The following ZNF45 variants were observed in gnomAD, a reference collection of about 807,000 sequenced individuals.
ZNF45 encodes zinc finger protein 45.
In ZNF45, 4 loss-of-function variants were observed where a neutral mutation model predicts 12.0. The observed-to-expected ratio is 0.33, with a 90% CI of 0.16 to 0.76. The LOEUF (loss-of-function observed/expected upper bound fraction) is 0.76, where lower values mean the gene tolerates loss of function less well. ZNF45 is among the 30% of genes least tolerant of loss of function. ZNF45 has a pLI of 0.60. For missense variants in ZNF45, 700 were observed against 813.0 expected, an observed-to-expected ratio of 0.86 and a Z score of 1.69; for synonymous variants, 272 against 279.6, an observed-to-expected ratio of 0.97 and a Z score of 0.27.
rs140615452 is a variant in ZNF45, at chr19:43,914,452, G to A, written c.984C>T (p.Gly328=). The change falls in exon 10 of 10, where the codon GGC becomes GGT. Residue 328 remains glycine (G), a synonymous_variant. Coordinates refer to ENST00000269973, the MANE Select transcript of ZNF45 (RefSeq NM_003425.4). Reference sequence around the variant, plus strand: ...ATGCATTGCATTTGTATGGTTTCTCGCCAGTGTGGATTCGCTCATGAGCCT... The same window carrying A: ...ATGCATTGCATTTGTATGGTTTCTCACCAGTGTGGATTCGCTCATGAGCCT... ...RLQAHERIHT[G]EKPYKCNACG... 174 of 1,610,996 alleles carry A rather than the reference G, an allele frequency of 1.1e-4. No homozygotes were observed. The highest frequency in any genetic ancestry group is 8.3e-4 in the South Asian group (75 of 90,694).
intron 4 of ZNF45, among the ~76,000 whole-genome samples, chr19:43,924,968 C>T (rs454559): frequency 0.42 from 63,671 of 151,986 alleles, 15,105 homozygotes; most frequent in East Asian, 0.57. Context: ...TCCCTTGCTG[C>T]TGTGGACCAA....
chr19:43,918,927 C>G lies in ZNF45; in HGVS notation c.178G>C (p.Glu60Gln). 1 of 1,614,134 alleles carries G rather than the reference C, an allele frequency of 6.2e-7. No homozygotes were observed. Among genetic ancestry groups the G allele is most frequent in the Non-Finnish European group, 8.5e-7 (1 of 1,180,018 alleles). Residue 60 changes from glutamate to glutamine, a missense_variant, in exon 9 of 10, where the codon GAG becomes CAG. By Grantham distance (29) the Glu-to-Gln change is conservative. Coordinates refer to ENST00000269973, the MANE Select transcript of ZNF45 (RefSeq NM_003425.4). Reference protein sequence around the residue: ...QSTPDGLPQLEREEKLWMMKM... With the variant: ...QSTPDGLPQLQREEKLWMMKM... Reference sequence around the variant, plus strand: ...ATCATCCACAGCTTTTCTTCTCTCTCTAACTGTGGTAGGCCATCTGGTGTG... The same window carrying G: ...ATCATCCACAGCTTTTCTTCTCTCTGTAACTGTGGTAGGCCATCTGGTGTG...
At position 43,913,274 on chromosome 19, in the gene ZNF45, G is replaced by T; in HGVS notation, c.*113C>A. On this transcript the variant is annotated 3_prime_UTR_variant, in exon 10 of 10. Coordinates refer to ENST00000269973, the MANE Select transcript of ZNF45 (RefSeq NM_003425.4). ...CACTCTTGTGAGGCTTCTCTGCTGT[G>T]TGGTCTCCCAATCACTTGGCTGAAC... 1 of 1,261,488 alleles carries T rather than the reference G, an allele frequency of 7.9e-7. No homozygotes were observed. Among genetic ancestry groups the T allele is most frequent in the East Asian group, 2.4e-5 (1 of 42,358 alleles). 78.1% of individuals were successfully genotyped at this position (1,261,488 alleles called of 1,614,324 possible). A position where few individuals can be genotyped will look rare whatever the true frequency, so the allele number is the denominator to read the frequency against.
chr19:43,929,172 C>T (rs1973921857), intron 3 of ZNF45, among the ~76,000 whole-genome samples: 1 of 152,200 alleles, frequency 6.6e-6, no homozygotes. Context: ...CTTAACCGCT[C>T]GACAGTGGTT....
At chr19:43,920,421 G>GT (rs1973034535) in intron 7 of ZNF45, among the ~76,000 whole-genome samples, 1 of 150,798 alleles carries the variant, frequency 6.6e-6, no homozygotes, top group African/African-American at 2.4e-5. Context: ...TGTCTGCTGT[G>GT]TGGGGGTGTC....
At chr19:43,923,962 G>GA (rs1295623039) in intron 6 of ZNF45, among the ~76,000 whole-genome samples, 61 of 49,358 alleles carry the variant, frequency 1.2e-3, no homozygotes, top group Middle Eastern at 0.012. Context: ...TCTCTAAAGA[G>GA]AAAAAAAAAA....
At chr19:43,922,086 A>G (rs748991675) in intron 7 of ZNF45, 85 bp downstream of exon 7, 3 of 1,430,958 alleles carry the variant, frequency 2.1e-6, no homozygotes, top group African/African-American at 1.4e-5. Flanking sequence ...GTTCTCCTTC[A>G]TCTTCCTAAC....
chr19:43,922,252 A>G, intron 6 of ZNF45, 35 bp from the exon 7 acceptor site: 1 of 1,487,008 alleles, frequency 6.7e-7, no homozygotes, highest in Non-Finnish European at 9.1e-7. Context: ...AGGGAAGGAG[A>G]AAAAAGCCAT....
Position 43,914,612 on chromosome 19 carries a change from G to T in ZNF45, c.824C>A (p.Pro275His). 2 of 1,613,624 alleles carry T rather than the reference G, an allele frequency of 1.2e-6. No homozygotes were observed. The part of the protein sequence containing the change: ...APLIVHTGEK[P>H]YKCEECGVGF... Reference sequence around the variant, plus strand: ...CACCCCACACTCCTCACATTTATAGGGTTTCTCTCCCGTATGAACTATCAG... The same window carrying T: ...CACCCCACACTCCTCACATTTATAGTGTTTCTCTCCCGTATGAACTATCAG... The change falls in exon 10 of 10, where the codon CCC (proline) becomes CAC (histidine). Residue 275 changes from proline (P) to histidine (H), a missense_variant. Coordinates refer to ENST00000269973, the MANE Select transcript of ZNF45 (RefSeq NM_003425.4).
At chr19:43,919,774 G>A (rs1972979220) in intron 7 of ZNF45, 75 bp from the exon 8 acceptor site, 1 of 1,520,792 alleles carries the variant, frequency 6.6e-7, no homozygotes, top group Admixed American at 2.0e-5. Flanking sequence ...TGAGAAATGT[G>A]AAAAAGATGT....
Position 43,913,508 on chromosome 19 carries a change from T to A in ZNF45, c.1928A>T (p.Glu643Val). ...VHTGEKPYKCEECGKGFSWSS... is the reference protein window; with the variant it reads ...VHTGEKPYKCVECGKGFSWSS... ...CCAACTGAAGCCCTTCCCACACTCCTCACATTTGTATGGTTTTTCTCCGGT... is the reference window on the plus strand; with the variant it reads ...CCAACTGAAGCCCTTCCCACACTCCACACATTTGTATGGTTTTTCTCCGGT... The change falls in exon 10 of 10, where the codon GAG becomes GTG. Residue 643 changes from glutamate (E) to valine (V), a missense_variant. Glu to Val is a moderately radical substitution (Grantham distance 121). Coordinates refer to ENST00000269973, the MANE Select transcript of ZNF45 (RefSeq NM_003425.4). 6.2e-7 allele frequency: 1 copy of A among 1,612,830 alleles called. No homozygotes were observed. Among genetic ancestry groups the A allele is most frequent in the African/African-American group, 1.3e-5 (1 of 74,756 alleles).
intron 2 of ZNF45, among the ~76,000 whole-genome samples, chr19:43,932,999 C>T (rs750990494): frequency 1.1e-4 from 16 of 152,178 alleles, no homozygotes; most frequent in South Asian, 4.1e-4. Flanking sequence ...AGGGAGCTCA[C>T]GCACACAGAG....
In ZNF45 at chr19:43,914,916, T is replaced by G; in HGVS notation, c.520A>C (p.Ser174Arg). The change falls in exon 10 of 10, where the codon AGC becomes CGC. Residue 174 changes from serine to arginine, a missense_variant. Coordinates refer to ENST00000269973, the MANE Select transcript of ZNF45 (RefSeq NM_003425.4). The stretch of plus-strand genomic sequence containing the variant: ...TTAATTTGAAGATGAGAGCTCCAGC[T>G]GAAACTTTTCACACAATGTTCTCCT... ...YKGEHCVKSF[S>R]WSSHLQINQR... 1 of 1,612,598 alleles carries G rather than the reference T, an allele frequency of 6.2e-7. No individual in the cohort carries two copies. Among genetic ancestry groups the G allele is most frequent in the East Asian group, 2.2e-5 (1 of 44,822 alleles).
chr19:43,923,362 G>A (rs1347757316), intron 6 of ZNF45, among the ~76,000 whole-genome samples: 1 of 152,196 alleles, frequency 6.6e-6, no homozygotes, highest in Non-Finnish European at 1.5e-5. Flanking sequence ...GAGAGAGAGA[G>A]AGAGACCATG....
Position 43,919,596 on chromosome 19 carries a change from T to A in ZNF45, c.119A>T (p.Asn40Ile). ...RKLYRDVMLENFRNVVSVGHQ... is the reference protein window; with the variant it reads ...RKLYRDVMLEIFRNVVSVGHQ... ...ACCCACTGAGACCACATTCCTGAAG[T>A]TCTCCAGCATCACATCTCGGTACAG... Residue 40 changes from asparagine to isoleucine, a missense_variant, in exon 8 of 10, where the codon AAC becomes ATC. Asn to Ile is a moderately radical substitution (Grantham distance 149). Transcript: ENST00000269973. 1 of 1,612,692 alleles carries A rather than the reference T, an allele frequency of 6.2e-7. No individual in the cohort carries two copies. Among genetic ancestry groups the A allele is most frequent in the South Asian group, 1.1e-5 (1 of 91,034 alleles).
intron 3 of ZNF45, chr19:43,930,133 G>A (rs1018130702): frequency 2.0e-5 from 3 of 152,282 alleles, no homozygotes; most frequent in African/African-American, 7.2e-5. Context: ...CGTGGCAGAA[G>A]GGTAGGGGAA....
chr19:43,933,198 T>C (rs536909596), intron 2 of ZNF45, among the ~76,000 whole-genome samples: 1 of 152,278 alleles, frequency 6.6e-6, no homozygotes, highest in Non-Finnish European at 1.5e-5. Context: ...AGGCCTAGCA[T>C]GGTGGCTCAC....
chr19:43,922,096 CA>C, intron 7 of ZNF45, 74 bp downstream of exon 7: 1 of 1,483,632 alleles, frequency 6.7e-7, no homozygotes, highest in Non-Finnish European at 9.3e-7. Context: ...ATCTTCCTAA[CA>C]AAGAGAATAA....
intron 6 of ZNF45, among the ~76,000 whole-genome samples, chr19:43,923,963 A>G (rs995552784): frequency 2.7e-5 from 4 of 146,998 alleles, no homozygotes; most frequent in Non-Finnish European, 6.0e-5. Flanking sequence ...CTCTAAAGAG[A>G]AAAAAAAAAA....
Sources: gnomAD v4.1 joint callset for allele counts (sites outside exome capture counted in the v4.1 genomes callset) on GRCh38, gnomAD v4.1.1 for gene constraint, MANE v1.5 for transcripts, NCBI Gene and HGNC (gene_info 2026-07-23, HGNC 2026-07-21) for gene names.